Variants in GHR observed in about 807,000 individuals in gnomAD.
GHR encodes growth hormone receptor.
In GHR, 35 loss-of-function variants were observed where a neutral mutation model predicts 67.1. The observed-to-expected ratio is 0.52, with a 90% CI of 0.40 to 0.69. The LOEUF is 0.69. Among genes scored for constraint, GHR ranks in the 30% least tolerant of loss-of-function variants. GHR has a pLI of 0.00. For missense variants in GHR, 792 were observed against 764.6 expected (o/e 1.04, Z -0.42); for synonymous variants, 272 against 269.1 (o/e 1.01, Z -0.10).
chr5:42,503,811 A>C (rs1746640397), intron 1 of GHR, among the ~76,000 whole-genome samples: 1 of 152,182 alleles, frequency 6.6e-6, no homozygotes, highest in African/African-American at 2.4e-5. Flanking sequence ...TTTTAATAGA[A>C]CTGAAGGACA....
At chr5:42,621,035 A>G (rs1753417160) in intron 2 of GHR, among the ~76,000 whole-genome samples, 1 of 152,024 alleles carries the variant, frequency 6.6e-6, no homozygotes, top group South Asian at 2.1e-4. Context: ...TCCTTTTAGC[A>G]TTGCTGTGAT....
At chr5:42,474,817 T>C (rs1036119078) in intron 1 of GHR, among the ~76,000 whole-genome samples, 1 of 151,930 alleles carries the variant, frequency 6.6e-6, no homozygotes, top group Non-Finnish European at 1.5e-5. Flanking sequence ...ATATTTTTTC[T>C]TTTTTCACCC....
intron 1 of GHR, among the ~76,000 whole-genome samples, chr5:42,456,596 G>T (rs1744272308): frequency 6.6e-6 from 1 of 152,116 alleles, no homozygotes; most frequent in African/African-American, 2.4e-5. Flanking sequence ...GTTTCTGAGT[G>T]GTAAAAATTA....
At chr5:42,616,108 G>C (rs1272138240) in intron 2 of GHR, among the ~76,000 whole-genome samples, 1 of 151,818 alleles carries the variant, frequency 6.6e-6, no homozygotes, top group Non-Finnish European at 1.5e-5. Context: ...AAGGAATTTG[G>C]ACTTTATTCT....
chr5:42,603,371 C>T (rs1752474881), intron 2 of GHR, among the ~76,000 whole-genome samples: 1 of 152,060 alleles, frequency 6.6e-6, no homozygotes, highest in Non-Finnish European at 1.5e-5. Flanking sequence ...GTTTGGGCTT[C>T]CTGGATCTGG....
At position 42,424,992 on chromosome 5, in the gene GHR, G is replaced by A. The variant is rs1304250249; in HGVS notation, c.-12+1037G>A. The A allele has an allele frequency of 1.0e-6, 1 of 985,078 alleles. No individual in the cohort carries two copies. The highest frequency in any genetic ancestry group is 1.7e-5 in the African/African-American group (1 of 57,250). The allele number at this position is 985,078 out of a possible 1,614,324, so 61.0% of individuals were successfully genotyped here. ...GGGTGGAAGAGGCCACAGAGGTGCC[G>A]CCTGTCTGTTTGTGCCGCCAGGAGA... is the stretch of plus-strand genomic sequence containing the variant. On this transcript the variant is annotated intron_variant, in intron 1 of 9. Transcript: ENST00000230882. The surrounding 1 kb of genome is among the most constrained non-coding windows in gnomAD (Gnocchi z 4.1).
At chr5:42,679,722 C>T (rs1287683697) in intron 3 of GHR, among the ~76,000 whole-genome samples, 1 of 151,982 alleles carries the variant, frequency 6.6e-6, no homozygotes, top group Non-Finnish European at 1.5e-5. Flanking sequence ...AGTTATTTTA[C>T]TTCTCTATGC....
At chr5:42,712,962 T>C (rs1261903849) in intron 7 of GHR, among the ~76,000 whole-genome samples, 2 of 151,876 alleles carry the variant, frequency 1.3e-5, no homozygotes, top group Non-Finnish European at 2.9e-5. Flanking sequence ...GATTTATCAA[T>C]AAAAACTCTG....
chr5:42,552,652 T>C (rs1749097515), intron 1 of GHR, among the ~76,000 whole-genome samples: 1 of 152,204 alleles, frequency 6.6e-6, no homozygotes, highest in Non-Finnish European at 1.5e-5. Flanking sequence ...TATTTGTTTG[T>C]TCTCTATGGC....
At chr5:42,447,344 A>G (rs1373101212) in intron 1 of GHR, among the ~76,000 whole-genome samples, 3 of 151,954 alleles carry the variant, frequency 2.0e-5, no homozygotes, top group Admixed American at 6.6e-5. Context: ...TATTCTTATG[A>G]CTTTGCATCC....
intron 2 of GHR, among the ~76,000 whole-genome samples, chr5:42,584,354 G>T (rs975471734): frequency 6.6e-6 from 1 of 152,160 alleles, no homozygotes; most frequent in Non-Finnish European, 1.5e-5. Context: ...TGGCAGGAAT[G>T]CAGGTAAGTT....
At chr5:42,461,247 T>C (rs1744476336) in intron 1 of GHR, among the ~76,000 whole-genome samples, 1 of 152,170 alleles carries the variant, frequency 6.6e-6, no homozygotes. Flanking sequence ...CTAAACCCTA[T>C]CTGTTTACCA....
chr5:42,670,876 A>ATATATATATATATATAT (rs1388654847), intron 3 of GHR, among the ~76,000 whole-genome samples: 1 of 94,962 alleles, frequency 1.1e-5, no homozygotes, highest in African/African-American at 3.6e-5. Context: ...AAAAAAAAAA[A>ATATATATATATATATAT]AAAAATATAT....
chr5:42,563,477 G>A (rs1225575697), intron 1 of GHR, among the ~76,000 whole-genome samples: 4 of 152,020 alleles, frequency 2.6e-5, no homozygotes, highest in African/African-American at 4.8e-5. Context: ...AATTAGCCGG[G>A]CGCGGTGGCG....
Position 42,424,545 on chromosome 5 carries a change from C to T in GHR, c.-12+590C>T. 1 of 1,527,290 alleles carries T rather than the reference C, an allele frequency of 6.5e-7. No homozygotes were observed. Among genetic ancestry groups the T allele is most frequent in the Non-Finnish European group, 8.8e-7 (1 of 1,139,580 alleles). 94.6% of individuals were successfully genotyped at this position (1,527,290 alleles called of 1,614,324 possible). On this transcript the variant is annotated intron_variant, in intron 1 of 9. Coordinates refer to ENST00000230882, the MANE Select transcript of GHR (RefSeq NM_000163.5). The surrounding 1 kb of genome is among the most constrained non-coding windows in gnomAD (Gnocchi z 4.1). ...TGTGCGGGCCGCAGCCGCACGTTGGCACCGATGGAACTGGGGTCAGTAGAG... is the reference window on the plus strand; with the variant it reads ...TGTGCGGGCCGCAGCCGCACGTTGGTACCGATGGAACTGGGGTCAGTAGAG...
chr5:42,565,245 C>T (rs912177494), intron 1 of GHR, among the ~76,000 whole-genome samples: 1 of 152,184 alleles, frequency 6.6e-6, no homozygotes, highest in African/African-American at 2.4e-5. Flanking sequence ...AATAAAACCT[C>T]TCTACGACAC....
chr5:42,642,045 G>C (rs948317236), intron 3 of GHR, among the ~76,000 whole-genome samples: 1 of 147,210 alleles, frequency 6.8e-6, no homozygotes, highest in South Asian at 2.1e-4. Flanking sequence ...ATTAGGAGAA[G>C]AAATCATATG....
intron 1 of GHR, among the ~76,000 whole-genome samples, chr5:42,484,074 C>T (rs1745775584): frequency 6.6e-6 from 1 of 152,168 alleles, no homozygotes; most frequent in Non-Finnish European, 1.5e-5. Flanking sequence ...TGCTGGCCAG[C>T]ACATGGATGG....
At position 42,720,550 on chromosome 5, in the gene GHR, T is replaced by G. The variant is rs1479716974; in HGVS notation, c.*1126T>G. 6.6e-6 allele frequency: 1 copy of G among 152,234 alleles called. No homozygotes were observed. The highest frequency in any genetic ancestry group is 1.9e-4 in the East Asian group (1 of 5,194). 9.4% of individuals were successfully genotyped at this position (152,234 alleles called of 1,614,324 possible). ...AGGGAATAAGGTACAAGAAGCATTT[T>G]GTAAGTTGAAGCAAATCGAATGAAA... On this transcript the variant is annotated 3_prime_UTR_variant, in exon 10 of 10. Coordinates refer to ENST00000230882, the MANE Select transcript of GHR (RefSeq NM_000163.5).
Sources: gnomAD v4.1 joint callset for allele counts (sites outside exome capture counted in the v4.1 genomes callset) on GRCh38, gnomAD v4.1.1 for gene constraint, Gnocchi (gnomAD v3.1) non-coding constraint, MANE v1.5 for transcripts, NCBI Gene and HGNC (gene_info 2026-07-23, HGNC 2026-07-21) for gene names.